ING2: variants seen among roughly 807,000 people sequenced by gnomAD.
ING2 encodes inhibitor of growth protein 2.
ING2 carries 7 observed loss-of-function variants against 30.6 expected under a neutral mutation model. The observed-to-expected ratio is 0.23, with a 90% CI of 0.13 to 0.43. The LOEUF is 0.43. Ranked by LOEUF, ING2 falls within the 20% of genes least tolerant of loss-of-function variation. ING2 has a pLI of 1.00. For missense variants in ING2, 239 were observed against 334.9 expected, an observed-to-expected ratio of 0.71 and a Z score of 2.24; for synonymous variants, 136 against 121.7, an observed-to-expected ratio of 1.12 and a Z score of -0.78.
Position 183,505,203 on chromosome 4 carries a change from GGC to G in ING2, c.9_10del (p.Gln4AlafsTer29). The G allele has an allele frequency of 6.3e-7, 1 of 1,594,932 alleles. No homozygotes were observed. Among genetic ancestry groups the G allele is most frequent in the Non-Finnish European group, 8.5e-7 (1 of 1,171,096 alleles). ...ACGGCGCGGATCGGCAGGATGTTAG[GGC>G]AGCAGCAGCAGCAACTGTACTCGTC... On this transcript the variant is annotated frameshift_variant, in exon 1 of 2. Coordinates refer to ENST00000302327, the MANE Select transcript of ING2 (RefSeq NM_001564.4). LOFTEE classifies it high-confidence loss of function.
intron 1 of ING2, among the ~76,000 whole-genome samples, chr4:183,510,018 G>A (rs1734784302): frequency 6.6e-6 from 1 of 152,194 alleles, no homozygotes; most frequent in Admixed American, 6.5e-5. Context: ...TTACAGGCGT[G>A]AGCCACCGCG....
chr4:183,506,259 C>T (rs969774467), intron 1 of ING2: 2 of 1,304,298 alleles, frequency 1.5e-6, no homozygotes, highest in East Asian at 5.6e-5. Flanking sequence ...CAACCTCTTT[C>T]CCAGTCAATG....
At chr4:183,510,033 G>A (rs957507464) in intron 1 of ING2, among the ~76,000 whole-genome samples, 8 of 152,222 alleles carry the variant, frequency 5.3e-5, no homozygotes, top group Admixed American at 3.9e-4. Context: ...ACCGCGCCCA[G>A]CCTCTTTTTA....
intron 1 of ING2, among the ~76,000 whole-genome samples, chr4:183,507,038 G>A (rs1439458153): frequency 6.6e-6 from 1 of 152,166 alleles, no homozygotes; most frequent in Non-Finnish European, 1.5e-5. Context: ...AATGATACGT[G>A]CTTAATAATT....
At chr4:183,507,360 G>A (rs1171745953) in intron 1 of ING2, among the ~76,000 whole-genome samples, 2 of 152,142 alleles carry the variant, frequency 1.3e-5, no homozygotes, top group African/African-American at 2.4e-5. Context: ...CTCGGCCTCC[G>A]AAAGTGCTGG....
intron 1 of ING2, among the ~76,000 whole-genome samples, chr4:183,508,123 C>T (rs1008202853): frequency 6.6e-6 from 1 of 151,596 alleles, no homozygotes; most frequent in African/African-American, 2.4e-5. Flanking sequence ...GTTTTTTTCA[C>T]AAGCAGAAGT....
intron 1 of ING2, among the ~76,000 whole-genome samples, chr4:183,507,960 T>TA (rs1290797159): frequency 1.4e-4 from 22 of 152,282 alleles, no homozygotes; most frequent in African/African-American, 5.3e-4. Flanking sequence ...TTCCCACTCA[T>TA]AATTTCTTAG....
chr4:183,510,534 C>T lies in ING2; in HGVS notation c.425C>T (p.Ser142Phe), dbSNP rs767290085. 6.2e-7 allele frequency: 1 copy of T among 1,613,940 alleles called. No homozygotes were observed. The highest frequency in any genetic ancestry group is 8.5e-7 in the Non-Finnish European group (1 of 1,180,054). The part of the protein sequence containing the change: ...ERASDKAKMD[S>F]SQPERSSRRP... ...GCCTCAGATAAAGCAAAGATGGATT[C>T]CAGCCAACCAGAAAGATCTTCAAGA... Residue 142 changes from serine to phenylalanine, a missense_variant, in exon 2 of 2, where the codon TCC (serine) becomes TTC (phenylalanine). Transcript: ENST00000302327.
intron 1 of ING2, chr4:183,506,446 C>A: frequency 1.8e-6 from 1 of 566,698 alleles, no homozygotes. Flanking sequence ...CACCCTTTGC[C>A]GGCCGACCCG....
At chr4:183,508,555 G>A (rs191010349) in intron 1 of ING2, among the ~76,000 whole-genome samples, 5 of 152,292 alleles carry the variant, frequency 3.3e-5, no homozygotes, top group Admixed American at 6.5e-5. Context: ...TTCCAAGTTA[G>A]ACAGTTGTAC....
At chr4:183,505,890 C>G (rs1048059244) in intron 1 of ING2, among the ~76,000 whole-genome samples, 1 of 152,116 alleles carries the variant, frequency 6.6e-6, no homozygotes, top group Non-Finnish European at 1.5e-5. Flanking sequence ...TGCCCCGGCC[C>G]GGAGGAGAGC....
chr4:183,506,589 G>T (rs550513643), intron 1 of ING2, among the ~76,000 whole-genome samples: 1 of 152,286 alleles, frequency 6.6e-6, no homozygotes, highest in East Asian at 1.9e-4. Context: ...CTTGAACATA[G>T]TATGGAAACA....
At position 183,511,039 on chromosome 4, in the gene ING2, CTA is replaced by C. The variant is rs1734811540; in HGVS notation, c.*89_*90del. 8.9e-6 allele frequency: 9 copies of C among 1,007,826 alleles called. No individual in the cohort carries two copies. Among genetic ancestry groups the C allele is most frequent in the Middle Eastern group, 2.1e-4 (1 of 4,710 alleles). 62.4% of individuals were successfully genotyped at this position (1,007,826 alleles called of 1,614,324 possible). A position where few individuals can be genotyped will look rare whatever the true frequency, so the allele number is the denominator to read the frequency against. ...AATGTTTTAGGGTAAATGCATAAGA[CTA>C]TGCAATAATTTTTAATCATTAGTAT... On this transcript the variant is annotated 3_prime_UTR_variant, in exon 2 of 2. Coordinates refer to ENST00000302327, the MANE Select transcript of ING2 (RefSeq NM_001564.4).
rs184369248 is a variant in ING2, at chr4:183,512,243, A to G, written c.*1291A>G. On this transcript the variant is annotated 3_prime_UTR_variant, in exon 2 of 2. Coordinates refer to ENST00000302327, the MANE Select transcript of ING2 (RefSeq NM_001564.4). ...AAAAATCCTGTCTGCTTGTTTTGGG[A>G]AAAAAAAATGCTTTTTTTCTCTTCT... is the stretch of plus-strand genomic sequence containing the variant. Among the ~76,000 whole-genome samples, 76 of 132,620 alleles carry G rather than the reference A, an allele frequency of 5.7e-4. No homozygotes were observed. The South Asian group carries it at 6.2e-3, about 11-fold the overall frequency. The allele number at this position is 132,620 out of a possible 152,430, so 87.0% of individuals were successfully genotyped here.
intron 1 of ING2, chr4:183,505,989 G>A: frequency 1.3e-6 from 1 of 741,158 alleles, no homozygotes; most frequent in South Asian, 2.3e-5. Flanking sequence ...TGGTTAAGAG[G>A]GGAGGGGTCC....
At chr4:183,505,610 T>C (rs1472308555) in intron 1 of ING2, among the ~76,000 whole-genome samples, 1 of 151,970 alleles carries the variant, frequency 6.6e-6, no homozygotes, top group East Asian at 1.9e-4. Flanking sequence ...ACCCAGCGGC[T>C]GCAGCTGCCG....
At chr4:183,506,304 G>A (rs944044528) in intron 1 of ING2, 4 of 1,304,090 alleles carry the variant, frequency 3.1e-6, no homozygotes, top group Non-Finnish European at 4.0e-6. Flanking sequence ...GGACCGTCGC[G>A]GATCCTGGCT....
intron 1 of ING2, among the ~76,000 whole-genome samples, chr4:183,507,359 C>G (rs980126117): frequency 5.9e-5 from 9 of 152,224 alleles, no homozygotes; most frequent in Non-Finnish European, 1.0e-4. Flanking sequence ...CCTCGGCCTC[C>G]GAAAGTGCTG....
In ING2 at chr4:183,511,588, C is replaced by T. The variant is rs898572452; in HGVS notation, c.*636C>T. Among the ~76,000 whole-genome samples, 13 of 152,158 alleles carry T rather than the reference C, an allele frequency of 8.5e-5. No homozygotes were observed. The highest frequency in any genetic ancestry group is 3.1e-4 in the African/African-American group (13 of 41,430). On this transcript the variant is annotated 3_prime_UTR_variant, in exon 2 of 2. Coordinates refer to ENST00000302327, the MANE Select transcript of ING2 (RefSeq NM_001564.4). The stretch of plus-strand genomic sequence containing the variant: ...CCCATTTGTCAATGCCTTGCTGCTG[C>T]TTTGTAGATATACTTAGTCTAGTGC...
Sources: allele counts gnomAD v4.1 joint callset (sites outside exome capture counted in the v4.1 genomes callset), GRCh38; gene constraint gnomAD v4.1.1; transcripts MANE v1.5; gene names NCBI Gene and HGNC (gene_info 2026-07-23, HGNC 2026-07-21).